PGF: variants seen among roughly 807,000 people sequenced by gnomAD.
The protein encoded by PGF is placenta growth factor.
In PGF, 11 loss-of-function variants were observed where a neutral mutation model predicts 25.3. The ratio of observed to expected loss-of-function variants is 0.43; its 90% CI spans 0.27 to 0.72. PGF has a LOEUF of 0.72. PGF is among the 30% of genes least tolerant of loss of function. PGF has a pLI of 0.18. For synonymous variants in PGF, 105 were observed against 97.9 expected, an observed-to-expected ratio of 1.07 and a Z score of -0.43; for missense variants, 230 against 234.9, an observed-to-expected ratio of 0.98 and a Z score of 0.14.
At position 74,954,033 on chromosome 14, in the gene PGF, C is replaced by T; in HGVS notation, c.76-87G>A. 3.7e-6 allele frequency: 5 copies of T among 1,353,084 alleles called. No homozygotes were observed. In the East Asian group the frequency reaches 7.2e-5, roughly 19 times the overall value. The allele number at this position is 1,353,084 out of a possible 1,614,324, so 83.8% of individuals were successfully genotyped here. ...AAGTGTGATGGCAAGAAGGTAGGGG[C>T]CCCTCTGGGTTCCTTCCCACTTGCT... On this transcript the variant is annotated intron_variant, in intron 1 of 6. Transcript: ENST00000555567.
In PGF at chr14:74,955,005, G is replaced by A. The variant is rs1888953753; in HGVS notation, c.75+163C>T. On this transcript the variant is annotated intron_variant, in intron 1 of 6. Coordinates refer to ENST00000555567, the MANE Select transcript of PGF (RefSeq NM_002632.6). The surrounding 1 kb of genome is among the most constrained non-coding windows in gnomAD (Gnocchi z 4.1). ...AGGACCTGGGGGACAGCCAGCCTGA[G>A]GTCTCTTCCCAAACGAAAGAAGTCC... 6.6e-6 allele frequency among the ~76,000 whole-genome samples: 1 copy of A among 151,040 alleles called. No individual in the cohort carries two copies. The highest frequency in any genetic ancestry group is 2.4e-5 in the African/African-American group (1 of 41,120).
chr14:74,951,519 AG>A (rs1888871249), intron 2 of PGF, among the ~76,000 whole-genome samples: 1 of 152,246 alleles, frequency 6.6e-6, no homozygotes. Context: ...CAGAAGACTC[AG>A]GTTCCTGCCC....
chr14:74,943,098 ACT>A (rs1888641449), intron 6 of PGF, among the ~76,000 whole-genome samples: 4 of 151,850 alleles, frequency 2.6e-5, no homozygotes, highest in Admixed American at 2.6e-4. Context: ...ACCTAATCAC[ACT>A]CCATGCAATC....
At chr14:74,955,610 G>A (rs143495677), upstream of PGF, 91 of 183,680 alleles carry the variant, frequency 5.0e-4, 1 homozygote, top group East Asian at 0.012. This position sits in a 1 kb window ranked among gnomAD's most constrained non-coding sequence, Gnocchi z 4.1. Context: ...GACTGCAGCC[G>A]GTCCGCGCCT....
chr14:74,944,732 G>A (rs1888687543), intron 6 of PGF: 1 of 151,532 alleles, frequency 6.6e-6, no homozygotes, highest in African/African-American at 2.4e-5. Context: ...TTTTTTTGTA[G>A]AGACGAGGTT....
intron 2 of PGF, among the ~76,000 whole-genome samples, chr14:74,952,040 G>T (rs1031237151): frequency 6.6e-6 from 1 of 152,024 alleles, no homozygotes; most frequent in East Asian, 1.9e-4. Context: ...GGGAAGCTGT[G>T]GCCCCCTCAG....
At chr14:74,949,082 G>A (rs911471303) in intron 3 of PGF, among the ~76,000 whole-genome samples, 3 of 152,200 alleles carry the variant, frequency 2.0e-5, no homozygotes, top group African/African-American at 7.2e-5. Context: ...GGTGTCAACA[G>A]GGACTTTATA....
chr14:74,948,380 T>C (rs1888789799), intron 4 of PGF, 127 bp downstream of exon 4: 2 of 559,212 alleles, frequency 3.6e-6, no homozygotes, highest in Admixed American at 3.3e-5. Flanking sequence ...TCTCCCTCAG[T>C]CTGGAAAAAA....
chr14:74,955,543 T>G lies in PGF; in HGVS notation c.-301A>C. 3.2e-6 allele frequency: 1 copy of G among 315,308 alleles called. No homozygotes were observed. The highest frequency in any genetic ancestry group is 5.8e-6 in the Non-Finnish European group (1 of 172,950). The allele number at this position is 315,308 out of a possible 1,614,324, so 19.5% of individuals were successfully genotyped here. A position where few individuals can be genotyped will look rare whatever the true frequency, so the allele number is the denominator to read the frequency against. ...CCCAGTGCCACTCCAGGTCCTCCCGTAGCTGGGCGGCCGTCCGTCGATGCA... is the reference window on the plus strand; with the variant it reads ...CCCAGTGCCACTCCAGGTCCTCCCGGAGCTGGGCGGCCGTCCGTCGATGCA... On this transcript the variant is annotated 5_prime_UTR_variant, in exon 1 of 7. Transcript: ENST00000555567. The surrounding 1 kb of genome is among the most constrained non-coding windows in gnomAD (Gnocchi z 4.1).
intron 6 of PGF, chr14:74,945,366 A>G (rs995759208): frequency 1.3e-5 from 2 of 152,198 alleles, no homozygotes; most frequent in Non-Finnish European, 2.9e-5. Context: ...TGTTTCCCAA[A>G]TTGCCGCGCG....
Position 74,955,285 on chromosome 14 carries a change from C to A in PGF, c.-43G>T, listed in dbSNP as rs956976703. ...GCCAGGGGGCTCCGAGGGAAAACCA[C>A]CATGCTCATCCCCCGGGGAGCCCCT... On this transcript the variant is annotated 5_prime_UTR_variant, in exon 1 of 7. Transcript: ENST00000555567. The surrounding 1 kb of genome is among the most constrained non-coding windows in gnomAD (Gnocchi z 4.1). 2 of 1,263,850 alleles carry A rather than the reference C, an allele frequency of 1.6e-6. No individual in the cohort carries two copies. The highest frequency in any genetic ancestry group is 3.1e-5 in the African/African-American group (2 of 64,640). The allele number at this position is 1,263,850 out of a possible 1,614,324, so 78.3% of individuals were successfully genotyped here. A position where few individuals can be genotyped will look rare whatever the true frequency, so the allele number is the denominator to read the frequency against.
Position 74,950,307 on chromosome 14 carries a change from G to A in PGF, c.119-754C>T, listed in dbSNP as rs1401071189. Among the ~76,000 whole-genome samples the A allele has an allele frequency of 5.3e-5, 8 of 152,146 alleles. No individual in the cohort carries two copies. The highest frequency in any genetic ancestry group is 1.9e-4 in the African/African-American group (8 of 41,416). ...ATGAGCCTCCCTTGAGCACTGCTTG[G>A]CCTCTGGCCTCAAGGGGTTGCCTTA... On this transcript the variant is annotated intron_variant, in intron 2 of 6. Transcript: ENST00000555567. This position sits in a 1 kb window ranked among gnomAD's most constrained non-coding sequence, Gnocchi z 4.1.
At position 74,955,035 on chromosome 14, in the gene PGF, TG is replaced by T; in HGVS notation, c.75+132del. 1 of 266,324 alleles carries T rather than the reference TG, an allele frequency of 3.8e-6. No individual in the cohort carries two copies. Among genetic ancestry groups the T allele is most frequent in the Non-Finnish European group, 7.2e-6 (1 of 137,932 alleles). The allele number at this position is 266,324 out of a possible 1,614,324, so 16.5% of individuals were successfully genotyped here. A position where few individuals can be genotyped will look rare whatever the true frequency, so the allele number is the denominator to read the frequency against. On this transcript the variant is annotated intron_variant, in intron 1 of 6. Coordinates refer to ENST00000555567, the MANE Select transcript of PGF (RefSeq NM_002632.6). This position sits in a 1 kb window ranked among gnomAD's most constrained non-coding sequence, Gnocchi z 4.1. The stretch of plus-strand genomic sequence containing the variant: ...CTTCCCAAACGAAAGAAGTCCAGCC[TG>T]GCCTTTAGGAAGTGTGTGGACATCC...
At chr14:74,944,174 C>G (rs181776266) in intron 6 of PGF, among the ~76,000 whole-genome samples, 1 of 146,492 alleles carries the variant, frequency 6.8e-6, no homozygotes, top group East Asian at 2.0e-4. Flanking sequence ...GTGATCTCGG[C>G]TCACTGCAAG....
intron 4 of PGF, chr14:74,948,113 G>A (rs989877595): frequency 2.3e-5 from 4 of 172,266 alleles, no homozygotes; most frequent in African/African-American, 4.7e-5. Flanking sequence ...CACACAGCTT[G>A]CCCCAGAACG....
In PGF at chr14:74,955,542, G is replaced by C. The variant is rs1888971584; in HGVS notation, c.-300C>G. Reference sequence around the variant, plus strand: ...GCCCAGTGCCACTCCAGGTCCTCCCGTAGCTGGGCGGCCGTCCGTCGATGC... The same window carrying C: ...GCCCAGTGCCACTCCAGGTCCTCCCCTAGCTGGGCGGCCGTCCGTCGATGC... On this transcript the variant is annotated 5_prime_UTR_variant, in exon 1 of 7. Coordinates refer to ENST00000555567, the MANE Select transcript of PGF (RefSeq NM_002632.6). This position sits in a 1 kb window ranked among gnomAD's most constrained non-coding sequence, Gnocchi z 4.1. The C allele has an allele frequency of 6.2e-6, 2 of 324,790 alleles. No individual in the cohort carries two copies. Among genetic ancestry groups the C allele is most frequent in the South Asian group, 3.0e-4 (2 of 6,572 alleles). The allele number at this position is 324,790 out of a possible 1,614,324, so 20.1% of individuals were successfully genotyped here.
At position 74,951,491 on chromosome 14, in the gene PGF, T is replaced by C. The variant is rs61757887; in HGVS notation, c.119-1938A>G. 5.5e-3 allele frequency among the ~76,000 whole-genome samples: 845 copies of C among 152,296 alleles called. 9 individuals are homozygous for C. Among genetic ancestry groups the C allele is most frequent in the African/African-American group, 0.019 (805 of 41,548 alleles). ...AACATAAATAACAGCAGAGGAATAA[T>C]GAGCTGCCAAAGCACCACAGAAGAC... is the stretch of plus-strand genomic sequence containing the variant. On this transcript the variant is annotated intron_variant, in intron 2 of 6. Transcript: ENST00000555567.
chr14:74,954,355 G>C (rs756275810), intron 1 of PGF: 2 of 223,100 alleles, frequency 9.0e-6, no homozygotes, highest in Non-Finnish European at 9.1e-6. Context: ...GGCTGGAGCG[G>C]GTGGCGCCAT....
At chr14:74,948,461 A>C in intron 4 of PGF, 46 bp downstream of exon 4, 1 of 1,206,928 alleles carries the variant, frequency 8.3e-7, no homozygotes, top group East Asian at 2.5e-5. Context: ...GGCTGCCAAG[A>C]GGACGGGGGC....
Sources: allele counts gnomAD v4.1 joint callset (sites outside exome capture counted in the v4.1 genomes callset), GRCh38; gene constraint gnomAD v4.1.1; non-coding constraint Gnocchi (gnomAD v3.1); transcripts MANE v1.5; gene names NCBI Gene and HGNC (gene_info 2026-07-23, HGNC 2026-07-21).